DPY19L1: variants seen among roughly 807,000 people sequenced by gnomAD.
DPY19L1 encodes dpy-19 like C-mannosyltransferase 1.
A neutral mutation model predicts 96.9 loss-of-function variants in DPY19L1; 35 were observed. That is an observed-to-expected ratio of 0.36 (90% CI 0.28 to 0.48). DPY19L1 has a LOEUF of 0.48. DPY19L1 is among the 20% of genes least tolerant of loss of function. DPY19L1 has a pLI of 0.99. For missense variants in DPY19L1, 521 were observed against 777.9 expected (o/e 0.67, Z 3.93); for synonymous variants, 205 against 252.6 (o/e 0.81, Z 1.79).
rs1784624639 is a variant in DPY19L1, at chr7:34,966,987, A to G, written c.1015-16T>C. On this transcript the variant is annotated splice_polypyrimidine_tract_variant and intron_variant, in intron 9 of 21. Coordinates refer to ENST00000638088, the MANE Select transcript of DPY19L1 (RefSeq NM_001366673.1). ...ATGATGCAATCTGAAATTTAAAAAG[A>G]AATTAGAAGTAAAAAAGATAAAATG... 2 of 1,502,458 alleles carry G rather than the reference A, an allele frequency of 1.3e-6. No homozygotes were observed. The highest frequency in any genetic ancestry group is 1.8e-6 in the Non-Finnish European group (2 of 1,120,422). 93.1% of individuals were successfully genotyped at this position (1,502,458 alleles called of 1,614,324 possible).
chr7:35,012,737 ATAC>A (rs1562826517), intron 4 of DPY19L1, among the ~76,000 whole-genome samples: 2 of 140,294 alleles, frequency 1.4e-5, no homozygotes, highest in African/African-American at 5.0e-5. Flanking sequence ...ATAGAAAAAA[ATAC>A]ATAGACATCA....
chr7:35,029,734 G>C (rs556263689), intron 1 of DPY19L1, among the ~76,000 whole-genome samples: 2 of 152,230 alleles, frequency 1.3e-5, no homozygotes, highest in East Asian at 3.9e-4. Flanking sequence ...ATATAAAAGA[G>C]TGATTCCCCC....
intron 1 of DPY19L1, among the ~76,000 whole-genome samples, chr7:35,035,998 C>T (rs1488707258): frequency 6.6e-6 from 1 of 151,622 alleles, no homozygotes; most frequent in Non-Finnish European, 1.5e-5. Context: ...CTTGAATCGG[C>T]AATGGGGGGA....
intron 6 of DPY19L1, among the ~76,000 whole-genome samples, chr7:34,990,745 G>A (rs1432544490): frequency 3.3e-5 from 5 of 152,180 alleles, no homozygotes; most frequent in Non-Finnish European, 7.3e-5. Context: ...ATCATGTTCT[G>A]CATTTTTACT....
chr7:34,958,484 G>GA (rs1159127636), intron 10 of DPY19L1, among the ~76,000 whole-genome samples: 1 of 152,136 alleles, frequency 6.6e-6, no homozygotes, highest in Non-Finnish European at 1.5e-5. Context: ...CGAATACTGC[G>GA]AAACACTTAA....
chr7:34,971,833 G>A (rs753502392), intron 8 of DPY19L1, among the ~76,000 whole-genome samples: 1 of 152,098 alleles, frequency 6.6e-6, no homozygotes, highest in Non-Finnish European at 1.5e-5. Context: ...GCAGAATAAT[G>A]GCCTCCAAAG....
chr7:34,993,674 G>A (rs1050730625), intron 6 of DPY19L1, among the ~76,000 whole-genome samples: 3 of 137,556 alleles, frequency 2.2e-5, no homozygotes, highest in African/African-American at 7.9e-5. Context: ...TATATAATTT[G>A]GGTTGGGAAG....
In DPY19L1 at chr7:34,942,654, A is replaced by C; in HGVS notation, c.1545-15T>G. On this transcript the variant is annotated splice_polypyrimidine_tract_variant and intron_variant, in intron 16 of 21. Transcript: ENST00000638088. ...ACTGGTGTTTTCTGGAACAGAAAAA[A>C]ATATATTGCCATCAATTCATTATTG... The C allele has an allele frequency of 6.3e-7, 1 of 1,587,044 alleles. No homozygotes were observed. Among genetic ancestry groups the C allele is most frequent in the Non-Finnish European group, 8.6e-7 (1 of 1,168,590 alleles).
At chr7:35,001,663 C>T (rs188128816) in intron 6 of DPY19L1, among the ~76,000 whole-genome samples, 2 of 152,318 alleles carry the variant, frequency 1.3e-5, no homozygotes, top group African/African-American at 4.8e-5. Flanking sequence ...GTTCTGCTCA[C>T]ATCATTTATT....
chr7:35,004,786 A>G (rs375566446), intron 6 of DPY19L1, among the ~76,000 whole-genome samples: 11 of 152,364 alleles, frequency 7.2e-5, no homozygotes, highest in African/African-American at 2.6e-4. Flanking sequence ...GGATAATTTA[A>G]AAGTAAAGTT....
chr7:34,933,450 T>C (rs1390381674), intron 21 of DPY19L1, among the ~76,000 whole-genome samples: 1 of 152,222 alleles, frequency 6.6e-6, no homozygotes, highest in Admixed American at 6.5e-5. Context: ...ATTATATACA[T>C]AGATGCTGTG....
chr7:35,032,790 T>C (rs1434946463), intron 1 of DPY19L1, among the ~76,000 whole-genome samples: 2 of 152,042 alleles, frequency 1.3e-5, no homozygotes, highest in Non-Finnish European at 1.5e-5. Context: ...AAGCCAAAAA[T>C]GTACAAAGTA....
chr7:34,995,585 TAAATC>T (rs1404946532), intron 6 of DPY19L1, among the ~76,000 whole-genome samples: 4 of 152,188 alleles, frequency 2.6e-5, no homozygotes, highest in African/African-American at 9.6e-5. Flanking sequence ...TGTATAGATT[TAAATC>T]AATTATCAAG....
chr7:34,982,779 C>G (rs1163506171), intron 7 of DPY19L1, among the ~76,000 whole-genome samples: 1 of 152,172 alleles, frequency 6.6e-6, no homozygotes, highest in Non-Finnish European at 1.5e-5. Flanking sequence ...CAACCTGGGA[C>G]ACACACAGAC....
intron 11 of DPY19L1, among the ~76,000 whole-genome samples, chr7:34,956,544 T>C (rs1180504361): frequency 6.6e-6 from 1 of 151,760 alleles, no homozygotes; most frequent in East Asian, 1.9e-4. Context: ...TCTCGCTCTG[T>C]TGCCCATGCT....
intron 1 of DPY19L1, among the ~76,000 whole-genome samples, chr7:35,034,106 T>C (rs753149283): frequency 2.3e-4 from 35 of 152,066 alleles, no homozygotes; most frequent in Non-Finnish European, 3.5e-4. Context: ...TCAAACAGGA[T>C]TAATGCAAAG....
At chr7:35,006,414 T>G (rs1163591990) in intron 6 of DPY19L1, among the ~76,000 whole-genome samples, 1 of 152,172 alleles carries the variant, frequency 6.6e-6, no homozygotes, top group Non-Finnish European at 1.5e-5. Flanking sequence ...AAGAGAAACT[T>G]AAGCATATAT....
At chr7:34,931,755 A>G in intron 21 of DPY19L1, 26 bp from the exon 22 acceptor site, 1 of 1,575,172 alleles carries the variant, frequency 6.3e-7, no homozygotes, top group Non-Finnish European at 8.6e-7. Flanking sequence ...TACATGTTAA[A>G]AATCAATATG....
intron 15 of DPY19L1, among the ~76,000 whole-genome samples, chr7:34,946,046 A>C (rs1289342760): frequency 6.6e-6 from 1 of 152,222 alleles, no homozygotes; most frequent in African/African-American, 2.4e-5. Flanking sequence ...ATTCACATTC[A>C]GCGCTGCTTC....
Sources: allele counts gnomAD v4.1 joint callset (sites outside exome capture counted in the v4.1 genomes callset), GRCh38; gene constraint gnomAD v4.1.1; transcripts MANE v1.5; gene names NCBI Gene and HGNC (gene_info 2026-07-23, HGNC 2026-07-21).